OR6N1: variants seen among roughly 807,000 people sequenced by gnomAD.
OR6N1 encodes the protein olfactory receptor family 6 subfamily N member 1.
For missense variants in OR6N1, 394 were observed against 371.7 expected (o/e 1.06, Z -0.49); for synonymous variants, 170 against 150.7 (o/e 1.13, Z -0.94).
At chr1:158,800,817 C>A in the OR6N1 span, among the ~76,000 whole-genome samples, 1 of 152,168 alleles carries the variant, frequency 6.6e-6, no homozygotes, top group Admixed American at 6.5e-5. Flanking sequence ...GTTTTTATTT[C>A]AAAAATAAGT....
the OR6N1 span, among the ~76,000 whole-genome samples, chr1:158,828,099 C>T: frequency 1.3e-5 from 2 of 152,222 alleles, no homozygotes; most frequent in African/African-American, 4.8e-5. Context: ...CCACTGGGTC[C>T]CTCCCTCAAC....
At chr1:158,813,941 C>G in the OR6N1 span, among the ~76,000 whole-genome samples, 1 of 151,962 alleles carries the variant, frequency 6.6e-6, no homozygotes, top group Non-Finnish European at 1.5e-5. Context: ...CTCAAGCAAT[C>G]CTCCCACCTC....
upstream of OR6N1, among the ~76,000 whole-genome samples, chr1:158,772,736 C>T (rs1050687582): frequency 2.0e-5 from 3 of 152,184 alleles, no homozygotes; most frequent in African/African-American, 7.2e-5. Flanking sequence ...AGTGCTGCTT[C>T]AGAATCTTGG....
the OR6N1 span, among the ~76,000 whole-genome samples, chr1:158,797,206 T>C: frequency 9.9e-4 from 151 of 152,336 alleles, no homozygotes; most frequent in Non-Finnish European, 2.0e-3. Flanking sequence ...TTTTCTCCAT[T>C]CAAGTACTTG....
At chr1:158,769,861 C>T (rs1657372179) in intron 1 of OR6N1, among the ~76,000 whole-genome samples, 1 of 152,126 alleles carries the variant, frequency 6.6e-6, no homozygotes, top group South Asian at 2.1e-4. Flanking sequence ...ATTTCTTTGT[C>T]TTAGTTTTTC....
chr1:158,806,505 G>A, the OR6N1 span, among the ~76,000 whole-genome samples: 1 of 152,088 alleles, frequency 6.6e-6, no homozygotes, highest in Non-Finnish European at 1.5e-5. Context: ...TGAGGTGGAG[G>A]GAATTTAAGT....
chr1:158,814,642 C>A, the OR6N1 span, among the ~76,000 whole-genome samples: 1 of 152,156 alleles, frequency 6.6e-6, no homozygotes, highest in Non-Finnish European at 1.5e-5. Flanking sequence ...AGGGAACTCT[C>A]TAAGGTATCC....
At chr1:158,806,484 T>C in the OR6N1 span, among the ~76,000 whole-genome samples, 1 of 152,202 alleles carries the variant, frequency 6.6e-6, no homozygotes, top group Non-Finnish European at 1.5e-5. Flanking sequence ...CCATTTTGCA[T>C]GTAAGGGAAC....
At chr1:158,780,311 C>T in the OR6N1 span, among the ~76,000 whole-genome samples, 3 of 152,156 alleles carry the variant, frequency 2.0e-5, no homozygotes, top group South Asian at 6.2e-4. Context: ...CAAGTAAGGC[C>T]TAGCAAACAT....
chr1:158,785,314 G>A, the OR6N1 span, among the ~76,000 whole-genome samples: 887 of 151,800 alleles, frequency 5.8e-3, 5 homozygotes, highest in African/African-American at 0.02. Context: ...TTTTTATTCC[G>A]TCATCTTCCT....
At chr1:158,801,577 T>C in the OR6N1 span, among the ~76,000 whole-genome samples, 3 of 152,234 alleles carry the variant, frequency 2.0e-5, no homozygotes, top group Non-Finnish European at 4.4e-5. Context: ...AAATTGACTT[T>C]GTAAACTTGT....
At chr1:158,818,576 G>A in the OR6N1 span, among the ~76,000 whole-genome samples, 2 of 152,190 alleles carry the variant, frequency 1.3e-5, no homozygotes, top group African/African-American at 4.8e-5. Context: ...CTGAAAAGCT[G>A]TAGCAATGTG....
chr1:158,818,100 T>C, the OR6N1 span, among the ~76,000 whole-genome samples: 1 of 152,230 alleles, frequency 6.6e-6, no homozygotes, highest in Non-Finnish European at 1.5e-5. Flanking sequence ...TTATCCACTC[T>C]GGACTATTAC....
chr1:158,824,496 T>C, the OR6N1 span, among the ~76,000 whole-genome samples: 2 of 152,208 alleles, frequency 1.3e-5, no homozygotes, highest in African/African-American at 2.4e-5. Flanking sequence ...GTGCGTTTGA[T>C]TTTAGAGTAT....
At chr1:158,777,815 A>C in the OR6N1 span, among the ~76,000 whole-genome samples, 1 of 152,234 alleles carries the variant, frequency 6.6e-6, no homozygotes, top group African/African-American at 2.4e-5. Flanking sequence ...TCTTATTAGC[A>C]CTTACTATTC....
At chr1:158,810,907 C>A in the OR6N1 span, among the ~76,000 whole-genome samples, 1 of 150,516 alleles carries the variant, frequency 6.6e-6, no homozygotes, top group African/African-American at 2.5e-5. Context: ...AATACATGTG[C>A]GGTACATGTA....
At chr1:158,819,381 G>A in the OR6N1 span, among the ~76,000 whole-genome samples, 1 of 152,152 alleles carries the variant, frequency 6.6e-6, no homozygotes, top group African/African-American at 2.4e-5. Flanking sequence ...TGGAAGTCAG[G>A]AGGCCTGACT....
the OR6N1 span, among the ~76,000 whole-genome samples, chr1:158,810,215 C>G: frequency 6.6e-6 from 1 of 152,208 alleles, no homozygotes; most frequent in East Asian, 1.9e-4. Flanking sequence ...GTTTTCCTCC[C>G]ACACCCTAAT....
chr1:158,804,805 A>G, the OR6N1 span, among the ~76,000 whole-genome samples: 2 of 152,142 alleles, frequency 1.3e-5, no homozygotes, highest in African/African-American at 2.4e-5. Context: ...TCATTTATCT[A>G]TTTATTTAAT....
Sources: allele counts gnomAD v4.1 joint callset (sites outside exome capture counted in the v4.1 genomes callset), GRCh38; gene constraint gnomAD v4.1.1; transcripts MANE v1.5; gene names NCBI Gene and HGNC (gene_info 2026-07-23, HGNC 2026-07-21).